WNT9B: variants seen among roughly 807,000 people sequenced by gnomAD.
WNT9B encodes the protein Wnt family member 9B.
In WNT9B, 12 loss-of-function variants were observed where a neutral mutation model predicts 30.2. The observed-to-expected ratio is 0.40, with a 90% CI of 0.26 to 0.64. The LOEUF (loss-of-function observed/expected upper bound fraction) is 0.64, where lower values mean the gene tolerates loss of function less well. Ranked by LOEUF, WNT9B falls within the 30% of genes least tolerant of loss-of-function variation. The pLI, the probability that WNT9B is intolerant of heterozygous loss-of-function variation, is 0.42. For missense variants in WNT9B, 442 were observed against 485.2 expected, an observed-to-expected ratio of 0.91 and a Z score of 0.84; for synonymous variants, 218 against 216.9, an observed-to-expected ratio of 1.01 and a Z score of -0.05.
upstream of WNT9B, among the ~76,000 whole-genome samples, chr17:46,850,609 C>A (rs7218180): frequency 0.46 from 70,084 of 152,034 alleles, 20,345 homozygotes; most frequent in East Asian, 0.88. Context: ...GATTTGACCC[C>A]GTGTTCGAGA....
At chr17:46,867,941 G>C (rs74836509) in intron 1 of WNT9B, among the ~76,000 whole-genome samples, 9 of 152,132 alleles carry the variant, frequency 5.9e-5, no homozygotes, top group Non-Finnish European at 1.2e-4. Flanking sequence ...CAAGGACCAT[G>C]GGGTGAAGGT....
In WNT9B at chr17:46,877,309, A is replaced by G. The variant is rs1177894687; in HGVS notation, c.*591A>G. ...GGTGGTAGAAGCCATCCGTTCAGAG[A>G]AAGGAGAGCTTTCTGTGCTTGAGTG... On this transcript the variant is annotated 3_prime_UTR_variant, in exon 4 of 4. Coordinates refer to ENST00000290015, the MANE Select transcript of WNT9B (RefSeq NM_003396.3). Among the ~76,000 whole-genome samples, 1 of 152,216 alleles carries G rather than the reference A, an allele frequency of 6.6e-6. No homozygotes were observed. Among genetic ancestry groups the G allele is most frequent in the Non-Finnish European group, 1.5e-5 (1 of 68,052 alleles).
In WNT9B at chr17:46,851,602, G is replaced by C. The variant is rs773052994; in HGVS notation, c.-37G>C. On this transcript the variant is annotated 5_prime_UTR_variant, in exon 1 of 4. Transcript: ENST00000290015. This position sits in a 1 kb window ranked among gnomAD's most constrained non-coding sequence, Gnocchi z 4.3. ...TGGCGGAGCTGCGAGCTTGAGCGGC[G>C]CGAGGAGATGCTAGAGGGCGCAGCG... 153 of 1,192,112 alleles carry C rather than the reference G, an allele frequency of 1.3e-4. No homozygotes were observed. The highest frequency in any genetic ancestry group is 1.5e-4 in the Non-Finnish European group (147 of 948,564). 73.8% of individuals were successfully genotyped at this position (1,192,112 alleles called of 1,614,324 possible).
chr17:46,871,620 C>G (rs1434292850), intron 1 of WNT9B, among the ~76,000 whole-genome samples: 1 of 152,098 alleles, frequency 6.6e-6, no homozygotes, highest in Non-Finnish European at 1.5e-5. Flanking sequence ...TCCCACCAAC[C>G]CTAGGAGGTA....
upstream of WNT9B, among the ~76,000 whole-genome samples, chr17:46,848,404 A>G (rs56703983): frequency 0.2 from 29,868 of 152,170 alleles, 3,604 homozygotes; most frequent in East Asian, 0.5. Flanking sequence ...CCTGTGCCAG[A>G]CTCTGGAGAC....
upstream of WNT9B, chr17:46,851,564 C>T: frequency 2.4e-6 from 2 of 850,298 alleles, no homozygotes; most frequent in Non-Finnish European, 1.6e-6. This position sits in a 1 kb window ranked among gnomAD's most constrained non-coding sequence, Gnocchi z 4.3. Flanking sequence ...TTTAAAGTCC[C>T]GCGGGCGGGT....
intron 1 of WNT9B, among the ~76,000 whole-genome samples, chr17:46,852,119 C>A (rs1037318141): frequency 1.3e-5 from 2 of 152,230 alleles, no homozygotes; most frequent in African/African-American, 2.4e-5. Flanking sequence ...TGGCCTCCGG[C>A]GAGCCGTCCT....
At chr17:46,848,125 C>A (rs7212246), upstream of WNT9B, among the ~76,000 whole-genome samples, 29,743 of 151,914 alleles carry the variant, frequency 0.2, 3,559 homozygotes, top group East Asian at 0.49. Flanking sequence ...CCTGTGTGAA[C>A]GTGTGGACCC....
intron 1 of WNT9B, among the ~76,000 whole-genome samples, chr17:46,833,624 G>A (rs1186783182): frequency 2.0e-5 from 3 of 152,278 alleles, no homozygotes; most frequent in East Asian, 3.9e-4. Context: ...GAGTGAGTGA[G>A]GGTGTGTGTG....
In WNT9B at chr17:46,870,549, G is replaced by T. The variant is rs149715907; in HGVS notation, c.78-1968G>T. ...GGCCAACGGGAGCCCGATAGCATCT[G>T]TCTCTGCTCGGAGGTTTCGGAGATA... On this transcript the variant is annotated intron_variant, in intron 1 of 3. Transcript: ENST00000290015. Among the ~76,000 whole-genome samples the T allele has an allele frequency of 1.6e-3, 246 of 152,368 alleles. 1 individual carries two copies. The highest frequency in any genetic ancestry group is 5.8e-3 in the African/African-American group (241 of 41,586).
chr17:46,862,053 C>A (rs1011532611), intron 1 of WNT9B, among the ~76,000 whole-genome samples: 17 of 151,192 alleles, frequency 1.1e-4, no homozygotes, highest in African/African-American at 4.1e-4. Flanking sequence ...ATCCCAGCTA[C>A]TTGGGAGGCT....
chr17:46,868,337 A>T (rs2085175974), intron 1 of WNT9B, among the ~76,000 whole-genome samples: 1 of 152,196 alleles, frequency 6.6e-6, no homozygotes. Context: ...CATGCCTGTA[A>T]TCCCAGCACT....
upstream of WNT9B, chr17:46,851,489 G>T (rs950196730): frequency 5.5e-6 from 2 of 363,448 alleles, no homozygotes; most frequent in Non-Finnish European, 9.5e-6. The surrounding 1 kb of genome is among the most constrained non-coding windows in gnomAD (Gnocchi z 4.3). Flanking sequence ...GGGGCTCGCC[G>T]CCCGGGGCTG....
At chr17:46,873,379 A>G (rs1485854117) in intron 2 of WNT9B, among the ~76,000 whole-genome samples, 1 of 152,094 alleles carries the variant, frequency 6.6e-6, no homozygotes, top group Non-Finnish European at 1.5e-5. Context: ...TCAGAGCTGA[A>G]CCAGACCCAG....
At chr17:46,846,459 A>G (rs1400870301) in intron 1 of WNT9B, among the ~76,000 whole-genome samples, 1 of 152,262 alleles carries the variant, frequency 6.6e-6, no homozygotes, top group Non-Finnish European at 1.5e-5. Context: ...AGGGATGCCT[A>G]ATCTCCCAAA....
chr17:46,870,726 G>A (rs924478939), intron 1 of WNT9B, among the ~76,000 whole-genome samples: 13 of 152,114 alleles, frequency 8.5e-5, no homozygotes, highest in African/African-American at 1.2e-4. Flanking sequence ...CAGATGTCCT[G>A]GCTAAGGCAG....
intron 2 of WNT9B, 111 bp from the exon 3 acceptor site, chr17:46,874,990 C>G (rs548850668): frequency 6.5e-7 from 1 of 1,543,400 alleles, no homozygotes; most frequent in Non-Finnish European, 9.0e-7. Flanking sequence ...CCCATCACAG[C>G]GCTGCCACCA....
chr17:46,865,165 G>C (rs1404377798), intron 1 of WNT9B, among the ~76,000 whole-genome samples: 3 of 152,182 alleles, frequency 2.0e-5, no homozygotes, highest in Non-Finnish European at 4.4e-5. Context: ...AGAGAGACAG[G>C]AGGAAGAAGA....
At chr17:46,848,778 G>A (rs2084805262), upstream of WNT9B, among the ~76,000 whole-genome samples, 1 of 152,202 alleles carries the variant, frequency 6.6e-6, no homozygotes, top group African/African-American at 2.4e-5. Context: ...CTCAATTCCT[G>A]CCTCCACTAC....
Sources: allele counts gnomAD v4.1 joint callset (sites outside exome capture counted in the v4.1 genomes callset), GRCh38; gene constraint gnomAD v4.1.1; non-coding constraint Gnocchi (gnomAD v3.1); transcripts MANE v1.5; gene names NCBI Gene and HGNC (gene_info 2026-07-23, HGNC 2026-07-21).